LPP: variants seen among roughly 807,000 people sequenced by gnomAD.
LPP encodes the protein lipoma-preferred partner.
Under a neutral mutation model 60.4 loss-of-function variants are expected in LPP, and 38 were observed. The observed-to-expected ratio is 0.63, with a 90% CI of 0.49 to 0.83. The LOEUF is 0.83. Ranked by LOEUF, LPP falls within the 40% of genes least tolerant of loss-of-function variation. LPP has a pLI of 0.00. For missense variants in LPP, 902 were observed against 783.6 expected (o/e 1.15, Z -1.80); for synonymous variants, 328 against 290.8 (o/e 1.13, Z -1.30).
chr3:188,856,863 C>T (rs1763956617), intron 9 of LPP, among the ~76,000 whole-genome samples: 1 of 152,180 alleles, frequency 6.6e-6, no homozygotes, highest in Non-Finnish European at 1.5e-5. Flanking sequence ...CAGAAGGCCC[C>T]CATATTTATC....
At chr3:188,481,277 GA>G (rs1804697767) in intron 4 of LPP, among the ~76,000 whole-genome samples, 1 of 152,094 alleles carries the variant, frequency 6.6e-6, no homozygotes, top group East Asian at 1.9e-4. Context: ...TACATCTTTT[GA>G]AAACGTGAGC....
At chr3:188,275,419 G>A (rs1367715661) in intron 2 of LPP, among the ~76,000 whole-genome samples, 2 of 152,238 alleles carry the variant, frequency 1.3e-5, no homozygotes, top group East Asian at 1.9e-4. Flanking sequence ...GAGTACAGTG[G>A]TGTGATCATA....
chr3:188,413,377 A>C (rs897048743), intron 4 of LPP, among the ~76,000 whole-genome samples: 1 of 152,166 alleles, frequency 6.6e-6, no homozygotes, highest in African/African-American at 2.4e-5. Context: ...TAATCCTGAC[A>C]GTCCTGTTAA....
intron 9 of LPP, among the ~76,000 whole-genome samples, chr3:188,842,295 C>T (rs1018842765): frequency 6.6e-6 from 1 of 152,198 alleles, no homozygotes; most frequent in Non-Finnish European, 1.5e-5. Context: ...AGCAGCTTTT[C>T]ATATGCCTAT....
intron 1 of LPP, among the ~76,000 whole-genome samples, chr3:188,157,571 C>A (rs1464623573): frequency 1.3e-5 from 2 of 151,938 alleles, no homozygotes; most frequent in South Asian, 4.2e-4. Context: ...GCAGGTAAAA[C>A]CCGGGGTTGG....
chr3:188,708,269 T>C lies in LPP; in HGVS notation c.1116T>C (p.Gly372=). Residue 372 remains glycine, a splice_region_variant and synonymous_variant, in exon 8 of 12, where the codon GGT becomes GGC. Transcript: ENST00000617246. ...APCAPPLQPK[G]GHSGQLGPSS... The stretch of plus-strand genomic sequence containing the variant: ...ACTGTGTGCTTTCTGCCTTTCAGGG[T>C]GGCCATTCAGGGCAACTGGGGCCTT... 1 of 1,614,062 alleles carries C rather than the reference T, an allele frequency of 6.2e-7. No individual in the cohort carries two copies.
intron 2 of LPP, among the ~76,000 whole-genome samples, chr3:188,241,171 C>T (rs559971242): frequency 6.6e-6 from 1 of 152,174 alleles, no homozygotes; most frequent in Non-Finnish European, 1.5e-5. Context: ...ACTCTAGGAG[C>T]AGAAGGTGGT....
chr3:188,648,472 T>C (rs1432275248), intron 7 of LPP, among the ~76,000 whole-genome samples: 1 of 152,162 alleles, frequency 6.6e-6, no homozygotes, highest in African/African-American at 2.4e-5. Flanking sequence ...TCAAGGAGGA[T>C]TGGTGGGGAA....
intron 1 of LPP, among the ~76,000 whole-genome samples, chr3:188,158,531 G>T (rs1717222350): frequency 6.6e-6 from 1 of 152,094 alleles, no homozygotes; most frequent in Admixed American, 6.6e-5. Flanking sequence ...GGTAGTGTAG[G>T]GATTAATGTT....
chr3:188,464,719 A>G (rs921874624), intron 4 of LPP, among the ~76,000 whole-genome samples: 3 of 152,186 alleles, frequency 2.0e-5, no homozygotes, highest in Non-Finnish European at 4.4e-5. Context: ...TACCTGTTTC[A>G]TAACTTAGAG....
At chr3:188,390,554 C>T (rs570003696) in intron 3 of LPP, among the ~76,000 whole-genome samples, 1 of 151,250 alleles carries the variant, frequency 6.6e-6, no homozygotes, top group Non-Finnish European at 1.5e-5. Flanking sequence ...CCTGGAAGGC[C>T]CTGGCCTGCA....
chr3:188,344,941 C>T (rs1416910567), intron 3 of LPP, among the ~76,000 whole-genome samples: 1 of 152,084 alleles, frequency 6.6e-6, no homozygotes, highest in African/African-American at 2.4e-5. Context: ...GATGCTTCTT[C>T]CATTATTTGA....
Position 188,352,839 on chromosome 3 carries a change from A to C in LPP, c.-10+11120A>C, listed in dbSNP as rs994951522. ...ACGGAGAGTAACTCAGTGCAGAGGC[A>C]GCGACGGGAAAGTGAAGGAGAGTAA... On this transcript the variant is annotated intron_variant, in intron 3 of 11. Coordinates refer to ENST00000617246, the MANE Select transcript of LPP (RefSeq NM_001375462.1). This position sits in a 1 kb window ranked among gnomAD's most constrained non-coding sequence, Gnocchi z 4.4. Among the ~76,000 whole-genome samples the C allele has an allele frequency of 6.6e-6, 1 of 152,212 alleles. No individual in the cohort carries two copies. The highest frequency in any genetic ancestry group is 2.4e-5 in the African/African-American group (1 of 41,456).
chr3:188,506,867 G>A (rs369811199), intron 5 of LPP, among the ~76,000 whole-genome samples: 5 of 151,782 alleles, frequency 3.3e-5, no homozygotes, highest in Admixed American at 2.0e-4. Flanking sequence ...GCGCAATCTC[G>A]GCTCACTGCA....
At chr3:188,781,130 G>T (rs551546612) in intron 9 of LPP, among the ~76,000 whole-genome samples, 3 of 152,184 alleles carry the variant, frequency 2.0e-5, no homozygotes, top group Non-Finnish European at 4.4e-5. Flanking sequence ...TGTGTAAAGC[G>T]GCTATAATAG....
At position 188,613,979 on chromosome 3, in the gene LPP, G is replaced by A. The variant is rs147991285; in HGVS notation, c.1113+4135G>A. ...GTCCCATTCTGTCACCCAGGCTGGG[G>A]TGCAATGACGTGATCTCGGCTCACT... On this transcript the variant is annotated intron_variant, in intron 7 of 11. Coordinates refer to ENST00000617246, the MANE Select transcript of LPP (RefSeq NM_001375462.1). 8.4e-3 allele frequency among the ~76,000 whole-genome samples: 1,274 copies of A among 151,000 alleles called. 16 individuals carry two copies. The highest frequency in any genetic ancestry group is 0.029 in the African/African-American group (1,189 of 41,094).
At chr3:188,830,638 A>G (rs892212985) in intron 9 of LPP, among the ~76,000 whole-genome samples, 3 of 151,632 alleles carry the variant, frequency 2.0e-5, no homozygotes, top group Admixed American at 2.0e-4. Context: ...CCCCACACCC[A>G]CCCCCAACGA....
rs1024776323 is a variant in LPP, at chr3:188,880,193, G to C, written c.*5714G>C. ...CTACAGGCGCCTGCCACCACGCCCGGCTAATTTTTTTGTATTTTTAGTAGA... is the reference window on the plus strand; with the variant it reads ...CTACAGGCGCCTGCCACCACGCCCGCCTAATTTTTTTGTATTTTTAGTAGA... On this transcript the variant is annotated 3_prime_UTR_variant, in exon 12 of 12. Transcript: ENST00000617246. The C allele has an allele frequency of 6.2e-6, 1 of 161,826 alleles. No homozygotes were observed. The allele number at this position is 161,826 out of a possible 1,614,324, so 10.0% of individuals were successfully genotyped here. A position where few individuals can be genotyped will look rare whatever the true frequency, so the allele number is the denominator to read the frequency against.
At chr3:188,400,555 T>G (rs1011838280) in intron 3 of LPP, among the ~76,000 whole-genome samples, 6 of 152,154 alleles carry the variant, frequency 3.9e-5, no homozygotes, top group Admixed American at 3.9e-4. Context: ...AGCAGAGGAG[T>G]TGATAAGTGA....
Sources: allele counts gnomAD v4.1 joint callset (sites outside exome capture counted in the v4.1 genomes callset), GRCh38; gene constraint gnomAD v4.1.1; non-coding constraint Gnocchi (gnomAD v3.1); transcripts MANE v1.5; gene names NCBI Gene and HGNC (gene_info 2026-07-23, HGNC 2026-07-21).